RIN3: variants seen among roughly 807,000 people sequenced by gnomAD.
RIN3 encodes Ras and Rab interactor 3.
RIN3 carries 54 observed loss-of-function variants against 76.3 expected under a neutral mutation model. The observed-to-expected ratio is 0.71, with a 90% confidence interval of 0.57 to 0.89. The LOEUF (loss-of-function observed/expected upper bound fraction) is 0.89, where lower values mean the gene tolerates loss of function less well. Ranked by LOEUF, RIN3 falls within the 40% of genes least tolerant of loss-of-function variation. RIN3 has a pLI of 0.00. For synonymous variants in RIN3, 576 were observed against 564.0 expected, an observed-to-expected ratio of 1.02 and a Z score of -0.30; for missense variants, 1,256 against 1,322.1, an observed-to-expected ratio of 0.95 and a Z score of 0.78.
chr14:92,598,103 C>T (rs147320861), intron 3 of RIN3, among the ~76,000 whole-genome samples: 19 of 152,232 alleles, frequency 1.2e-4, no homozygotes, highest in African/African-American at 2.9e-4. Context: ...CTATGCCAGT[C>T]GCAGATGTAG....
chr14:92,559,103 G>C (rs1177973754), intron 2 of RIN3, among the ~76,000 whole-genome samples: 2 of 152,096 alleles, frequency 1.3e-5, no homozygotes, highest in Non-Finnish European at 2.9e-5. Flanking sequence ...CTGACCTCAG[G>C]TGATCCTCCC....
At chr14:92,588,649 T>C (rs1167716210) in intron 3 of RIN3, among the ~76,000 whole-genome samples, 1 of 152,112 alleles carries the variant, frequency 6.6e-6, no homozygotes, top group Non-Finnish European at 1.5e-5. Context: ...CATCAGGAGT[T>C]AGGTTTCATC....
intron 4 of RIN3, among the ~76,000 whole-genome samples, chr14:92,638,889 G>T (rs906717836): frequency 1.6e-4 from 24 of 152,126 alleles, no homozygotes; most frequent in African/African-American, 5.5e-4. Context: ...GCCACAGCCT[G>T]CCCTGTCCAA....
intron 1 of RIN3, among the ~76,000 whole-genome samples, chr14:92,527,213 G>A (rs1896760382): frequency 6.6e-6 from 1 of 151,888 alleles, no homozygotes; most frequent in African/African-American, 2.4e-5. Flanking sequence ...ACCACGCCCG[G>A]CTAATTTTTT....
chr14:92,608,198 G>A (rs957762232), intron 3 of RIN3, among the ~76,000 whole-genome samples: 1 of 152,168 alleles, frequency 6.6e-6, no homozygotes, highest in Non-Finnish European at 1.5e-5. Context: ...ATGGCATCTG[G>A]GGATTGCATT....
intron 1 of RIN3, among the ~76,000 whole-genome samples, chr14:92,533,327 G>C (rs1287025845): frequency 6.6e-6 from 1 of 152,156 alleles, no homozygotes; most frequent in Non-Finnish European, 1.5e-5. Context: ...ACTAAAAGTA[G>C]AACTACCATT....
At chr14:92,645,553 G>A (rs1887165909) in intron 5 of RIN3, among the ~76,000 whole-genome samples, 1 of 152,242 alleles carries the variant, frequency 6.6e-6, no homozygotes, top group Non-Finnish European at 1.5e-5. Flanking sequence ...GTCTAGAATA[G>A]GCAAATCCAT....
At chr14:92,655,273 A>AG (rs1887624710) in intron 6 of RIN3, among the ~76,000 whole-genome samples, 1 of 149,680 alleles carries the variant, frequency 6.7e-6, no homozygotes, top group African/African-American at 2.5e-5. Flanking sequence ...GCTTGAATCC[A>AG]GGAGGCGGAG....
chr14:92,557,512 C>T (rs1171222067), intron 2 of RIN3, among the ~76,000 whole-genome samples: 1 of 152,218 alleles, frequency 6.6e-6, no homozygotes, highest in Non-Finnish European at 1.5e-5. Context: ...GCTCAGATGG[C>T]GAATGGACTC....
intron 3 of RIN3, among the ~76,000 whole-genome samples, chr14:92,613,037 C>A (rs11626417): frequency 0.087 from 13,226 of 152,226 alleles, 837 homozygotes; most frequent in East Asian, 0.26. Context: ...AAGATCAGGC[C>A]GTGCCTCAAT....
chr14:92,656,701 T>G lies in RIN3; in HGVS notation c.2027-2460T>G, dbSNP rs1887681355. Among the ~76,000 whole-genome samples the G allele has an allele frequency of 6.6e-6, 1 of 151,604 alleles. No individual in the cohort carries two copies. Among genetic ancestry groups the G allele is most frequent in the South Asian group, 2.1e-4 (1 of 4,802 alleles). ...AGAGAGGTTTCCAGGCAGTGAGAGG[T>G]GGCAGCTGAGCTGAGCCACCAAGGA... On this transcript the variant is annotated intron_variant, in intron 6 of 9. Coordinates refer to ENST00000216487, the MANE Select transcript of RIN3 (RefSeq NM_024832.5). The surrounding 1 kb of genome is among the most constrained non-coding windows in gnomAD (Gnocchi z 5.2).
intron 1 of RIN3, among the ~76,000 whole-genome samples, chr14:92,523,157 G>A (rs535179047): frequency 6.6e-6 from 1 of 152,280 alleles, no homozygotes; most frequent in East Asian, 1.9e-4. Context: ...TTGTCACCCA[G>A]GCTGGAGTGC....
At chr14:92,547,068 T>TA (rs1897287282) in intron 1 of RIN3, among the ~76,000 whole-genome samples, 1 of 104,810 alleles carries the variant, frequency 9.5e-6, no homozygotes, top group Non-Finnish European at 2.1e-5. Context: ...AAATTATATT[T>TA]TATTTTATAT....
chr14:92,552,292 G>C (rs1897449018), intron 1 of RIN3, among the ~76,000 whole-genome samples: 2 of 152,204 alleles, frequency 1.3e-5, no homozygotes. Flanking sequence ...CGTGCTTCAG[G>C]ATGCAGGTGG....
chr14:92,635,907 G>A (rs943217472), intron 4 of RIN3, among the ~76,000 whole-genome samples: 1 of 152,094 alleles, frequency 6.6e-6, no homozygotes, highest in Non-Finnish European at 1.5e-5. Context: ...TGCTCAATTC[G>A]TTCTTTGCAG....
chr14:92,586,292 C>T (rs932293847), intron 3 of RIN3, among the ~76,000 whole-genome samples: 16 of 152,354 alleles, frequency 1.1e-4, no homozygotes, highest in Middle Eastern at 3.4e-3. Flanking sequence ...GTTTGAGCAG[C>T]ATGCAGTTCA....
chr14:92,630,899 G>A (rs145722330), intron 4 of RIN3, among the ~76,000 whole-genome samples: 15 of 152,302 alleles, frequency 9.8e-5, no homozygotes, highest in African/African-American at 3.4e-4. Context: ...GCCCCCAGTT[G>A]CCTCCCCCAT....
At chr14:92,545,578 T>C (rs1897242064) in intron 1 of RIN3, among the ~76,000 whole-genome samples, 1 of 118,594 alleles carries the variant, frequency 8.4e-6, no homozygotes, top group Non-Finnish European at 1.7e-5. Context: ...TCTTTTTTCT[T>C]TTTCTTTTTT....
chr14:92,554,247 G>C (rs1349839348), intron 1 of RIN3, among the ~76,000 whole-genome samples: 2 of 152,154 alleles, frequency 1.3e-5, no homozygotes, highest in African/African-American at 2.4e-5. Flanking sequence ...TCCTTTTCTG[G>C]AATCAAAACC....
Sources: allele counts gnomAD v4.1 joint callset (sites outside exome capture counted in the v4.1 genomes callset), GRCh38; gene constraint gnomAD v4.1.1; non-coding constraint Gnocchi (gnomAD v3.1); transcripts MANE v1.5; gene names NCBI Gene and HGNC (gene_info 2026-07-23, HGNC 2026-07-21).